The following AKAP12 variants were observed in gnomAD, a reference collection of about 807,000 sequenced individuals.
The protein encoded by AKAP12 is A-kinase anchor protein 12.
A neutral mutation model predicts 79.9 loss-of-function variants in AKAP12; 32 were observed. The observed-to-expected ratio is 0.40, with a 90% CI of 0.30 to 0.54. The LOEUF (loss-of-function observed/expected upper bound fraction) is 0.54. Among genes scored for constraint, AKAP12 ranks in the 20% least tolerant of loss-of-function variants. The probability of loss-of-function intolerance (pLI) is 0.48; values close to 1 mark genes in which losing one functional copy is unlikely to be tolerated. For missense variants in AKAP12, 2,074 were observed against 2,177.0 expected, an observed-to-expected ratio of 0.95 and a Z score of 0.94; for synonymous variants, 808 against 857.0, an observed-to-expected ratio of 0.94 and a Z score of 1.00.
intron 2 of AKAP12, among the ~76,000 whole-genome samples, chr6:151,273,447 C>CG (rs1463678950): frequency 4.6e-5 from 7 of 152,196 alleles, no homozygotes; most frequent in Non-Finnish European, 8.8e-5. Context: ...TGATGACTCT[C>CG]GCGTAAATCA....
At chr6:151,314,176 C>T (rs1427278780) in intron 3 of AKAP12, among the ~76,000 whole-genome samples, 2 of 151,890 alleles carry the variant, frequency 1.3e-5, no homozygotes, top group African/African-American at 2.4e-5. Context: ...TACAGGCGTG[C>T]ACCACCACGC....
chr6:151,255,691 G>C (rs1797279120), intron 2 of AKAP12, among the ~76,000 whole-genome samples: 1 of 152,088 alleles, frequency 6.6e-6, no homozygotes, highest in African/African-American at 2.4e-5. Context: ...TCAGGAGGCT[G>C]AGGTGGGAGG....
intron 3 of AKAP12, among the ~76,000 whole-genome samples, chr6:151,322,999 A>G (rs752402576): frequency 6.6e-6 from 1 of 152,210 alleles, no homozygotes; most frequent in Non-Finnish European, 1.5e-5. Context: ...TAACAAAAAC[A>G]GAGAATGGAA....
chr6:151,240,556 A>G lies in AKAP12; in HGVS notation c.-7A>G, dbSNP rs1436165669. The G allele has an allele frequency of 6.9e-7, 1 of 1,441,812 alleles. No homozygotes were observed. The highest frequency in any genetic ancestry group is 1.4e-5 in the South Asian group (1 of 73,016). 89.3% of individuals were successfully genotyped at this position (1,441,812 alleles called of 1,614,324 possible). On this transcript the variant is annotated 5_prime_UTR_variant, in exon 2 of 5. Coordinates refer to ENST00000402676, the MANE Select transcript of AKAP12 (RefSeq NM_005100.4). ...GCGGCTAGGCGCGGGAGAAGTGCGG[A>G]GGAGCCATGGGCGCCGGGAGCTCCA...
intron 3 of AKAP12, among the ~76,000 whole-genome samples, chr6:151,330,396 T>G (rs1777638183): frequency 6.6e-6 from 1 of 152,208 alleles, no homozygotes; most frequent in South Asian, 2.1e-4. Flanking sequence ...TTGGAGGTTT[T>G]CTGGTTAATG....
chr6:151,316,705 G>A (rs549222601), intron 3 of AKAP12, among the ~76,000 whole-genome samples: 23 of 152,132 alleles, frequency 1.5e-4, no homozygotes, highest in African/African-American at 5.1e-4. Context: ...ATCTCGGCTC[G>A]CTGCAACCTC....
intron 2 of AKAP12, among the ~76,000 whole-genome samples, chr6:151,263,495 A>G (rs976023288): frequency 2.6e-5 from 4 of 152,228 alleles, no homozygotes; most frequent in African/African-American, 9.6e-5. Flanking sequence ...TGAAACATCC[A>G]TTCAACAGAT....
At chr6:151,336,333 G>A (rs563374060) in intron 3 of AKAP12, among the ~76,000 whole-genome samples, 3 of 152,284 alleles carry the variant, frequency 2.0e-5, no homozygotes, top group African/African-American at 7.2e-5. Context: ...TGTTCCTTGA[G>A]AAATCTCCAT....
intron 2 of AKAP12, among the ~76,000 whole-genome samples, chr6:151,280,923 A>T (rs1247355053): frequency 6.6e-6 from 1 of 152,076 alleles, no homozygotes; most frequent in African/African-American, 2.4e-5. Flanking sequence ...TTAGCTTGAA[A>T]CACTCGCGTT....
intron 3 of AKAP12, among the ~76,000 whole-genome samples, chr6:151,337,943 T>TGGAGAATCGCTTGAGCCC (rs1341530758): frequency 2.0e-5 from 3 of 151,878 alleles, no homozygotes; most frequent in African/African-American, 4.8e-5. Flanking sequence ...AGGCTGAGGC[T>TGGAGAATCGCTTGAGCCC]GGAGAATCGC....
intron 2 of AKAP12, among the ~76,000 whole-genome samples, chr6:151,260,143 G>T (rs529613512): frequency 1.3e-5 from 2 of 152,102 alleles, no homozygotes; most frequent in Non-Finnish European, 2.9e-5. Context: ...CGTTTATTGG[G>T]TTTGAGTGCT....
chr6:151,270,519 G>A (rs1398560067), intron 2 of AKAP12, among the ~76,000 whole-genome samples: 2 of 152,178 alleles, frequency 1.3e-5, no homozygotes, highest in African/African-American at 4.8e-5. Flanking sequence ...TTGCCTGAAC[G>A]TAAATGTTTT....
At chr6:151,313,830 G>C (rs751275495) in intron 3 of AKAP12, among the ~76,000 whole-genome samples, 6 of 152,186 alleles carry the variant, frequency 3.9e-5, no homozygotes, top group Non-Finnish European at 7.4e-5. Context: ...CTCATTGCAA[G>C]TCAGTTTTCA....
chr6:151,250,037 G>A (rs1385221258), intron 2 of AKAP12, among the ~76,000 whole-genome samples: 1 of 152,144 alleles, frequency 6.6e-6, no homozygotes, highest in African/African-American at 2.4e-5. Context: ...TTGAGCCTAG[G>A]AGTTCAAGAT....
At chr6:151,311,047 A>G (rs989280041) in intron 3 of AKAP12, among the ~76,000 whole-genome samples, 1 of 152,140 alleles carries the variant, frequency 6.6e-6, no homozygotes, top group African/African-American at 2.4e-5. Context: ...GGTTCGACGT[A>G]GCCTCAAACT....
rs1778482341 is a variant in AKAP12, at chr6:151,357,912, T to A, written c.*2198T>A. Reference sequence around the variant, plus strand: ...AGTTTGTGGGAAATTGACGTTTTTGTTTAAATTCCACCCGCGTTTGTCTTT... The same window carrying A: ...AGTTTGTGGGAAATTGACGTTTTTGATTAAATTCCACCCGCGTTTGTCTTT... On this transcript the variant is annotated 3_prime_UTR_variant, in exon 5 of 5. Coordinates refer to ENST00000402676, the MANE Select transcript of AKAP12 (RefSeq NM_005100.4). 6.6e-6 allele frequency: 1 copy of A among 152,108 alleles called. No homozygotes were observed. The highest frequency in any genetic ancestry group is 2.1e-4 in the South Asian group (1 of 4,828). 9.4% of individuals were successfully genotyped at this position (152,108 alleles called of 1,614,324 possible).
chr6:151,323,455 A>C (rs1777449716), intron 3 of AKAP12, among the ~76,000 whole-genome samples: 1 of 152,046 alleles, frequency 6.6e-6, no homozygotes, highest in Admixed American at 6.6e-5. Context: ...TGGGAGGCTG[A>C]GGCAGGAGAA....
chr6:151,335,910 C>T (rs536754831), intron 3 of AKAP12, among the ~76,000 whole-genome samples: 4 of 152,326 alleles, frequency 2.6e-5, no homozygotes, highest in African/African-American at 9.6e-5. Flanking sequence ...TTTCAACTCT[C>T]ACTTCCCTTC....
At chr6:151,315,687 T>C (rs1777218326) in intron 3 of AKAP12, among the ~76,000 whole-genome samples, 1 of 152,232 alleles carries the variant, frequency 6.6e-6, no homozygotes, top group African/African-American at 2.4e-5. Flanking sequence ...GATGTCCCTG[T>C]ATTATAGTGT....
Sources: gnomAD v4.1 joint callset for allele counts (sites outside exome capture counted in the v4.1 genomes callset) on GRCh38, gnomAD v4.1.1 for gene constraint, MANE v1.5 for transcripts, NCBI Gene and HGNC (gene_info 2026-07-23, HGNC 2026-07-21) for gene names.